The following MCHR2 variants were observed in gnomAD, a reference collection of about 807,000 sequenced individuals.
MCHR2 encodes melanin-concentrating hormone receptor 2.
MCHR2 carries 15 observed loss-of-function variants against 24.8 expected under a neutral mutation model. The ratio of observed to expected loss-of-function variants is 0.60; its 90% CI spans 0.40 to 0.93. The LOEUF (loss-of-function observed/expected upper bound fraction) is 0.93. Ranked by LOEUF, MCHR2 falls within the 40% of genes least tolerant of loss-of-function variation. The pLI is 0.00. For missense variants in MCHR2, 386 were observed against 408.7 expected (o/e 0.94, Z 0.48); for synonymous variants, 151 against 147.6 (o/e 1.02, Z -0.17).
At chr6:99,936,251 G>A (rs1331825410) in intron 4 of MCHR2, among the ~76,000 whole-genome samples, 1 of 151,868 alleles carries the variant, frequency 6.6e-6, no homozygotes, top group Non-Finnish European at 1.5e-5. Flanking sequence ...TGCTTTTGAG[G>A]TCTTGTATGA....
rs150572718 is a variant in MCHR2, at chr6:99,942,839, G to A, written c.587+110C>T. Reference sequence around the variant, plus strand: ...GGAGAAACCTAATGGAGATACTGGCGAGAAGAGGATCCATAAGGATACTCT... The same window carrying A: ...GGAGAAACCTAATGGAGATACTGGCAAGAAGAGGATCCATAAGGATACTCT... On this transcript the variant is annotated intron_variant, in intron 4 of 5. Transcript: ENST00000281806. 5.4e-5 allele frequency: 44 copies of A among 820,946 alleles called. No homozygotes were observed. In the East Asian group the frequency reaches 9.3e-4, roughly 17 times the overall value. The allele number at this position is 820,946 out of a possible 1,614,324, so 50.9% of individuals were successfully genotyped here.
At chr6:99,971,153 A>C (rs1775409080) in intron 1 of MCHR2, among the ~76,000 whole-genome samples, 1 of 152,214 alleles carries the variant, frequency 6.6e-6, no homozygotes, top group African/African-American at 2.4e-5. Context: ...TATCTTGGGC[A>C]GTATGGCCAT....
At chr6:99,921,458 CTT>C (rs923506413) in intron 5 of MCHR2, among the ~76,000 whole-genome samples, 5 of 150,966 alleles carry the variant, frequency 3.3e-5, no homozygotes, top group South Asian at 2.1e-4. Flanking sequence ...AAAGCTGGAA[CTT>C]TTTTTCGTTG....
intron 1 of MCHR2, among the ~76,000 whole-genome samples, chr6:99,985,484 G>A (rs925798650): frequency 3.3e-5 from 5 of 152,104 alleles, no homozygotes; most frequent in African/African-American, 7.2e-5. Context: ...CAGACACACA[G>A]ATCAATGGAA....
chr6:99,955,802 G>A (rs1415387814), intron 2 of MCHR2, among the ~76,000 whole-genome samples, 164 bp downstream of exon 2: 1 of 152,076 alleles, frequency 6.6e-6, no homozygotes, highest in East Asian at 1.9e-4. Flanking sequence ...CCTAATGCAT[G>A]ACGAAAATAT....
intron 1 of MCHR2, among the ~76,000 whole-genome samples, chr6:99,966,497 C>G (rs1775298289): frequency 6.6e-6 from 1 of 152,140 alleles, no homozygotes; most frequent in Admixed American, 6.6e-5. Flanking sequence ...ATCTACTTGT[C>G]TTTCTTCTTG....
chr6:99,932,995 G>A (rs1178157486), intron 5 of MCHR2, among the ~76,000 whole-genome samples: 1 of 147,822 alleles, frequency 6.8e-6, no homozygotes, highest in East Asian at 1.9e-4. Flanking sequence ...TACTGTCTCT[G>A]TACTATCTGT....
At chr6:99,958,599 CT>C (rs1775115848) in intron 1 of MCHR2, among the ~76,000 whole-genome samples, 1 of 152,130 alleles carries the variant, frequency 6.6e-6, no homozygotes, top group African/African-American at 2.4e-5. Context: ...ATCTCAGACC[CT>C]CTTTCTCCCA....
chr6:99,962,241 C>T lies in MCHR2; in HGVS notation c.-27-6067G>A, dbSNP rs7743690. On this transcript the variant is annotated intron_variant, in intron 1 of 5. Coordinates refer to ENST00000281806, the MANE Select transcript of MCHR2 (RefSeq NM_001040179.2). ...ACTAGCAGGCAGGTAGCATATGCAG[C>T]GAGGATATGGTAGATAAATGGACTA... is the stretch of plus-strand genomic sequence containing the variant. Among the ~76,000 whole-genome samples the T allele has an allele frequency of 2.7e-3, 410 of 152,052 alleles. 2 individuals are homozygous for T. Among genetic ancestry groups the T allele is most frequent in the African/African-American group, 9.5e-3 (394 of 41,472 alleles).
Position 99,934,462 on chromosome 6 carries a change from C to T in MCHR2, c.643G>A (p.Val215Met). Residue 215 changes from valine to methionine, a missense_variant, in exon 5 of 6, where the codon GTG becomes ATG. Coordinates refer to ENST00000281806, the MANE Select transcript of MCHR2 (RefSeq NM_001040179.2). Reference sequence around the variant, plus strand: ...TAGCATAAAATTAAAATATAGCACACCAAAATCAAGGGTAGAGGGAAAAAA... The same window carrying T: ...TAGCATAAAATTAAAATATAGCACATCAAAATCAAGGGTAGAGGGAAAAAA... ...TFFFPLPLIL[V>M]CYILILCYTW... is the part of the protein sequence containing the mutation. The T allele has an allele frequency of 3.1e-6, 5 of 1,603,882 alleles. No homozygotes were observed. The highest frequency in any genetic ancestry group is 4.5e-5 in the East Asian group (2 of 44,228).
chr6:99,942,703 C>T (rs1284244038), intron 4 of MCHR2, among the ~76,000 whole-genome samples: 1 of 152,080 alleles, frequency 6.6e-6, no homozygotes, highest in Non-Finnish European at 1.5e-5. Flanking sequence ...TGTTTAAAAT[C>T]CATGTTTAAA....
intron 1 of MCHR2, among the ~76,000 whole-genome samples, chr6:99,970,599 C>T (rs1775390599): frequency 6.6e-6 from 1 of 151,992 alleles, no homozygotes; most frequent in African/African-American, 2.4e-5. Flanking sequence ...GCTTTTGTTG[C>T]CTTTGTTTTT....
chr6:99,983,620 T>A (rs1775715975), intron 1 of MCHR2, among the ~76,000 whole-genome samples: 1 of 152,220 alleles, frequency 6.6e-6, no homozygotes, highest in African/African-American at 2.4e-5. Flanking sequence ...CAAGTAATAC[T>A]TCTTTGTCCT....
chr6:99,964,071 A>G (rs1775248046), intron 1 of MCHR2, among the ~76,000 whole-genome samples: 1 of 152,158 alleles, frequency 6.6e-6, no homozygotes, highest in South Asian at 2.1e-4. Context: ...AATTAAAAGC[A>G]CAATTGGATA....
chr6:99,993,342 C>G (rs553623208), intron 1 of MCHR2, among the ~76,000 whole-genome samples: 2 of 152,286 alleles, frequency 1.3e-5, no homozygotes, highest in South Asian at 4.1e-4. Flanking sequence ...TTCAGATGAC[C>G]TGACCGTGCA....
At chr6:99,945,397 C>T (rs1295549150) in intron 3 of MCHR2, among the ~76,000 whole-genome samples, 1 of 152,076 alleles carries the variant, frequency 6.6e-6, no homozygotes, top group Non-Finnish European at 1.5e-5. Flanking sequence ...CATTTGAAGG[C>T]AAACATTTTT....
chr6:99,922,192 C>T lies in MCHR2; in HGVS notation c.708-937G>A, dbSNP rs572638666. Among the ~76,000 whole-genome samples the T allele has an allele frequency of 7.9e-5, 12 of 151,488 alleles. 1 individual carries two copies. The East Asian group carries it at 1.9e-3, about 24-fold the overall frequency. ...CACAATCTCGGCTCACTGCCAGCTC[C>T]GCCTCCTGGGTTCATGCCATTCTCC... On this transcript the variant is annotated intron_variant, in intron 5 of 5. Coordinates refer to ENST00000281806, the MANE Select transcript of MCHR2 (RefSeq NM_001040179.2).
At chr6:99,958,880 GTT>G in intron 1 of MCHR2, among the ~76,000 whole-genome samples, 1 of 152,124 alleles carries the variant, frequency 6.6e-6, no homozygotes, top group Non-Finnish European at 1.5e-5. Context: ...TTGGGGACAG[GTT>G]TTTGTCTCAT....
At chr6:99,923,822 A>G (rs1459842892) in intron 5 of MCHR2, among the ~76,000 whole-genome samples, 1 of 151,964 alleles carries the variant, frequency 6.6e-6, no homozygotes, top group Non-Finnish European at 1.5e-5. Context: ...TTGGTTTGCT[A>G]ATATTTTGTT....
Sources: allele counts gnomAD v4.1 joint callset (sites outside exome capture counted in the v4.1 genomes callset), GRCh38; gene constraint gnomAD v4.1.1; transcripts MANE v1.5; gene names NCBI Gene and HGNC (gene_info 2026-07-23, HGNC 2026-07-21).